Variants in SKIDA1 observed in about 807,000 individuals in gnomAD.
The protein encoded by SKIDA1 is SKI/DACH domain-containing protein 1.
SKIDA1 carries 18 observed loss-of-function variants against 51.4 expected under a neutral mutation model. That is an observed-to-expected ratio of 0.35 (90% confidence interval 0.24 to 0.52). SKIDA1 has a LOEUF of 0.52. Among genes scored for constraint, SKIDA1 ranks in the 20% least tolerant of loss-of-function variants. The pLI is 0.95. For synonymous variants in SKIDA1, 579 were observed against 500.5 expected, an observed-to-expected ratio of 1.16 and a Z score of -2.09; for missense variants, 1,104 against 1,180.6, an observed-to-expected ratio of 0.94 and a Z score of 0.95.
intron 2 of SKIDA1, among the ~76,000 whole-genome samples, chr10:21,523,453 A>G (rs1019778334): frequency 6.6e-5 from 10 of 152,172 alleles, no homozygotes; most frequent in East Asian, 3.8e-4. Context: ...TTTCCCCCCA[A>G]TTATCTTGTT....
Position 21,523,688 on chromosome 10 carries a change from G to A in SKIDA1, c.-1934C>T, listed in dbSNP as rs2032511690. 1 of 152,030 alleles carries A rather than the reference G, an allele frequency of 6.6e-6. No homozygotes were observed. Among genetic ancestry groups the A allele is most frequent in the Non-Finnish European group, 1.5e-5 (1 of 68,028 alleles). The allele number at this position is 152,030 out of a possible 1,614,324, so 9.4% of individuals were successfully genotyped here. A position where few individuals can be genotyped will look rare whatever the true frequency, so the allele number is the denominator to read the frequency against. On this transcript the variant is annotated 5_prime_UTR_variant, in exon 2 of 4. Transcript: ENST00000449193. ...CACCAAGTGTTGAGGCCTACCTATG[G>A]GCTGCTCAGCCATACTGAAATCCTG...
rs749932127 is a variant in SKIDA1, at chr10:21,516,791, ATGGTGG to A, written c.1026_1031del (p.His350_His351del). 50 of 1,514,180 alleles carry A rather than the reference ATGGTGG, an allele frequency of 3.3e-5. No homozygotes were observed. The highest frequency in any genetic ancestry group is 3.2e-4 in the African/African-American group (22 of 69,536). The allele number at this position is 1,514,180 out of a possible 1,614,324, so 93.8% of individuals were successfully genotyped here. ...CCCGGTGGTGGTGGTGGTGGTGGTG[ATGGTGG>A]TGGTGGTGGTGGTGGTGCGGAGGCG... On this transcript the variant is annotated inframe_deletion, in exon 4 of 4. Coordinates refer to ENST00000449193, the MANE Select transcript of SKIDA1 (RefSeq NM_207371.4). The surrounding 1 kb of genome is among the most constrained non-coding windows in gnomAD (Gnocchi z 5.7).
Position 21,515,557 on chromosome 10 carries a change from C to G in SKIDA1, c.2266G>C (p.Gly756Arg). The G allele has an allele frequency of 6.2e-7, 1 of 1,613,920 alleles. No individual in the cohort carries two copies. The highest frequency in any genetic ancestry group is 8.5e-7 in the Non-Finnish European group (1 of 1,179,880). Residue 756 changes from glycine (G) to arginine (R), a missense_variant, in exon 4 of 4, where the codon GGC becomes CGC. This residue lies in a region of SKIDA1 where 938 missense variants were observed against 886.4 expected (regional missense o/e 1.06). Coordinates refer to ENST00000449193, the MANE Select transcript of SKIDA1 (RefSeq NM_207371.4). ...PSLNPLAQSQGLSCTLGSPKP... is the reference protein window; with the variant it reads ...PSLNPLAQSQRLSCTLGSPKP... ...GGAGAACCTAAAGTGCATGAAAGGC[C>G]CTGACTTTGAGCCAGTGGATTTAAG... is the stretch of plus-strand genomic sequence containing the variant.
intron 3 of SKIDA1, among the ~76,000 whole-genome samples, chr10:21,520,305 C>CA (rs2032355781): frequency 6.6e-6 from 1 of 152,128 alleles, no homozygotes; most frequent in Non-Finnish European, 1.5e-5. Flanking sequence ...TCACAGGAGA[C>CA]AAAATGCACA....
In SKIDA1 at chr10:21,515,954, A is replaced by G. The variant is rs2032187492; in HGVS notation, c.1869T>C (p.Asn623=). 6.2e-7 allele frequency: 1 copy of G among 1,613,950 alleles called. No individual in the cohort carries two copies. The highest frequency in any genetic ancestry group is 8.5e-7 in the Non-Finnish European group (1 of 1,179,854). The change falls in exon 4 of 4, where the codon AAT becomes AAC. Residue 623 remains asparagine, a synonymous_variant. Coordinates refer to ENST00000449193, the MANE Select transcript of SKIDA1 (RefSeq NM_207371.4). The part of the protein sequence containing the change: ...NNTIAARFLN[N]DSSGAEANSE... ...AATTTGCTTCTGCTCCTGAAGAATC[A>G]TTATTTAAGAACCTAGCAGCTATTG...
At position 21,518,919 on chromosome 10, in the gene SKIDA1, A is replaced by C. The variant is rs1032616877; in HGVS notation, c.-1097T>G. The C allele has an allele frequency of 6.1e-6, 1 of 164,694 alleles. No homozygotes were observed. The highest frequency in any genetic ancestry group is 1.5e-5 in the Non-Finnish European group (1 of 67,868). 10.2% of individuals were successfully genotyped at this position (164,694 alleles called of 1,614,324 possible). A position where few individuals can be genotyped will look rare whatever the true frequency, so the allele number is the denominator to read the frequency against. On this transcript the variant is annotated 5_prime_UTR_variant, in exon 4 of 4. Transcript: ENST00000449193. ...AACAAAGTTATTTGACCAAGGAAGC[A>C]GTTCAAGGCTCCAGCTCCGAAACAC...
chr10:21,516,878 C>CAGCG lies in SKIDA1; in HGVS notation c.944_945insCGCT (p.Ala317GlyfsTer123). 16 of 1,151,828 alleles carry CAGCG rather than the reference C, an allele frequency of 1.4e-5. No individual in the cohort carries two copies. In the South Asian group the frequency reaches 1.8e-4, roughly 13 times the overall value. 71.4% of individuals were successfully genotyped at this position (1,151,828 alleles called of 1,614,324 possible). A position where few individuals can be genotyped will look rare whatever the true frequency, so the allele number is the denominator to read the frequency against. On this transcript the variant is annotated frameshift_variant, in exon 4 of 4. Coordinates refer to ENST00000449193, the MANE Select transcript of SKIDA1 (RefSeq NM_207371.4). LOFTEE classifies it high-confidence loss of function. This position sits in a 1 kb window ranked among gnomAD's most constrained non-coding sequence, Gnocchi z 5.7. The stretch of plus-strand genomic sequence containing the variant: ...CCAGGCAAGTGGCCCCCGCGGCGGC[C>CAGCG]GCCGCCGCCGCTGCCGCCGCCGCCG...
intron 2 of SKIDA1, among the ~76,000 whole-genome samples, chr10:21,523,076 G>A (rs1050779163): frequency 3.3e-5 from 5 of 152,184 alleles, no homozygotes; most frequent in Non-Finnish European, 7.3e-5. Context: ...GAGACAAGGA[G>A]GTTATAGATT....
In SKIDA1 at chr10:21,516,867, C is replaced by CCCGCGGCGGCCGCCG; in HGVS notation, c.941_955dup (p.Ala314_Ala318dup). The CCCGCGGCGGCCGCCG allele has an allele frequency of 1.5e-6, 2 of 1,306,878 alleles. No homozygotes were observed. Among genetic ancestry groups the CCCGCGGCGGCCGCCG allele is most frequent in the Non-Finnish European group, 1.9e-6 (2 of 1,033,052 alleles). 81.0% of individuals were successfully genotyped at this position (1,306,878 alleles called of 1,614,324 possible). A position where few individuals can be genotyped will look rare whatever the true frequency, so the allele number is the denominator to read the frequency against. ...ATGAAACCTCTCCAGGCAAGTGGCC[C>CCCGCGGCGGCCGCCG]CCGCGGCGGCCGCCGCCGCCGCTGC... On this transcript the variant is annotated inframe_insertion, in exon 4 of 4. Transcript: ENST00000449193. The surrounding 1 kb of genome is among the most constrained non-coding windows in gnomAD (Gnocchi z 5.7).
Position 21,519,491 on chromosome 10 carries a change from G to A in SKIDA1, c.-1669C>T, listed in dbSNP as rs1395322883. ...AGGGTCCTCCCAGTCGCATTACCACGATCCCAAGGCGGCTCCTTGGCTGCT... is the reference window on the plus strand; with the variant it reads ...AGGGTCCTCCCAGTCGCATTACCACAATCCCAAGGCGGCTCCTTGGCTGCT... On this transcript the variant is annotated 5_prime_UTR_variant, in exon 4 of 4. Coordinates refer to ENST00000449193, the MANE Select transcript of SKIDA1 (RefSeq NM_207371.4). 2.4e-5 allele frequency: 4 copies of A among 166,994 alleles called. No individual in the cohort carries two copies. In the East Asian group the frequency reaches 5.8e-4, roughly 24 times the overall value. The allele number at this position is 166,994 out of a possible 1,614,324, so 10.3% of individuals were successfully genotyped here.
At position 21,518,020 on chromosome 10, in the gene SKIDA1, A is replaced by G; in HGVS notation, c.-198T>C. On this transcript the variant is annotated 5_prime_UTR_variant, in exon 4 of 4. Coordinates refer to ENST00000449193, the MANE Select transcript of SKIDA1 (RefSeq NM_207371.4). ...TTATTGGGGGGGGGGAAACCCCATG[A>G]AATTACACTGACTTGATTCTTGCTT... 1 of 561,374 alleles carries G rather than the reference A, an allele frequency of 1.8e-6. No individual in the cohort carries two copies. Among genetic ancestry groups the G allele is most frequent in the Non-Finnish European group, 3.1e-6 (1 of 320,388 alleles). The allele number at this position is 561,374 out of a possible 1,614,324, so 34.8% of individuals were successfully genotyped here. A position where few individuals can be genotyped will look rare whatever the true frequency, so the allele number is the denominator to read the frequency against.
chr10:21,520,948 C>T (rs766317896), intron 3 of SKIDA1, among the ~76,000 whole-genome samples: 2 of 152,018 alleles, frequency 1.3e-5, no homozygotes, highest in Non-Finnish European at 2.9e-5. Flanking sequence ...TTTAATACTA[C>T]TATTACACAT....
intron 3 of SKIDA1, 107 bp from the exon 4 acceptor site, chr10:21,519,765 C>T (rs1345493932): frequency 6.0e-6 from 1 of 165,332 alleles, no homozygotes; most frequent in Non-Finnish European, 1.5e-5. Flanking sequence ...AAAAAGAAAA[C>T]AAAGATAAAA....
At chr10:21,524,990 TAAA>T (rs1208803072) in intron 1 of SKIDA1, among the ~76,000 whole-genome samples, 1 of 152,042 alleles carries the variant, frequency 6.6e-6, no homozygotes, top group African/African-American at 2.4e-5. Context: ...TAAATAATAA[TAAA>T]AAAGGCTTGC....
rs1221721025 is a variant in SKIDA1, at chr10:21,514,456, A to C, written c.*640T>G. Reference sequence around the variant, plus strand: ...CAGTATGTATGAGGCAGCTTTTACTAGCATTTAATCAGGACTCACACCCCA... The same window carrying C: ...CAGTATGTATGAGGCAGCTTTTACTCGCATTTAATCAGGACTCACACCCCA... On this transcript the variant is annotated 3_prime_UTR_variant, in exon 4 of 4. Coordinates refer to ENST00000449193, the MANE Select transcript of SKIDA1 (RefSeq NM_207371.4). 2.0e-5 allele frequency: 3 copies of C among 151,734 alleles called. No individual in the cohort carries two copies. Among genetic ancestry groups the C allele is most frequent in the Non-Finnish European group, 2.9e-5 (2 of 67,936 alleles). 9.4% of individuals were successfully genotyped at this position (151,734 alleles called of 1,614,324 possible). A position where few individuals can be genotyped will look rare whatever the true frequency, so the allele number is the denominator to read the frequency against.
At chr10:21,521,162 T>A (rs369674258) in intron 3 of SKIDA1, among the ~76,000 whole-genome samples, 1 of 151,490 alleles carries the variant, frequency 6.6e-6, no homozygotes, top group African/African-American at 2.4e-5. Context: ...TCCAGGCACA[T>A]TGGGGGTCGA....
At position 21,521,443 on chromosome 10, in the gene SKIDA1, G is replaced by A. The variant is rs1312540828; in HGVS notation, c.-1891C>T. The A allele has an allele frequency of 6.6e-6, 1 of 152,528 alleles. No homozygotes were observed. Among genetic ancestry groups the A allele is most frequent in the Non-Finnish European group, 1.5e-5 (1 of 68,032 alleles). The allele number at this position is 152,528 out of a possible 1,614,324, so 9.4% of individuals were successfully genotyped here. On this transcript the variant is annotated 5_prime_UTR_variant, in exon 3 of 4. Transcript: ENST00000449193. ...AAGTACTATTCTTCAAAAGCCAGGG[G>A]GTTTCTTTGATAAATTTGTTGACCA...
rs1333305764 is a variant in SKIDA1 at position 21,515,812 on chromosome 10, A to G, written c.2011T>C (p.Cys671Arg). Residue 671 changes from cysteine (C) to arginine (R), a missense_variant, in exon 4 of 4, where the codon TGC (cysteine) becomes CGC (arginine). By Grantham distance (180) the Cys-to-Arg change is radical (BLOSUM62 -3). Around this residue, in one of 3 missense-constraint regions of SKIDA1, gnomAD observed 938 missense variants for 886.4 expected, o/e 1.06. Transcript: ENST00000449193. ...GAAATKAENPCTDTGDKTLPF... is the reference protein window; with the variant it reads ...GAAATKAENPRTDTGDKTLPF... Reference sequence around the variant, plus strand: ...AATGTCTTGTCGCCTGTGTCAGTGCAGGGATTCTCGGCTTTAGTTGCTGCT... The same window carrying G: ...AATGTCTTGTCGCCTGTGTCAGTGCGGGGATTCTCGGCTTTAGTTGCTGCT... 1.9e-6 allele frequency: 3 copies of G among 1,613,886 alleles called. No individual in the cohort carries two copies. The highest frequency in any genetic ancestry group is 2.2e-5 in the East Asian group (1 of 44,888).
chr10:21,523,492 T>C (rs2032497118), intron 2 of SKIDA1, among the ~76,000 whole-genome samples, 191 bp downstream of exon 2: 1 of 152,188 alleles, frequency 6.6e-6, no homozygotes, highest in Non-Finnish European at 1.5e-5. Context: ...ATGAGACACA[T>C]GGGCCTTTCA....
Sources: gnomAD v4.1 joint callset for allele counts (sites outside exome capture counted in the v4.1 genomes callset) on GRCh38, gnomAD v4.1.1 for gene constraint, gnomAD v4.1.1 regional missense constraint, Gnocchi (gnomAD v3.1) non-coding constraint, MANE v1.5 for transcripts, NCBI Gene and HGNC (gene_info 2026-07-23, HGNC 2026-07-21) for gene names.